Variants in RIMS2 observed in about 807,000 individuals in gnomAD.
The protein encoded by RIMS2 is regulating synaptic membrane exocytosis protein 2.
In RIMS2, 59 loss-of-function variants were observed where a neutral mutation model predicts 174.4. The ratio of observed to expected loss-of-function variants is 0.34; its 90% CI spans 0.27 to 0.42. The LOEUF (loss-of-function observed/expected upper bound fraction) is 0.42. Among genes scored for constraint, RIMS2 ranks in the 10% least tolerant of loss-of-function variants. The probability of loss-of-function intolerance (pLI) is 1.00; values close to 1 mark genes in which losing one functional copy is unlikely to be tolerated. For synonymous variants in RIMS2, 606 were observed against 572.5 expected (o/e 1.06, Z -0.84); for missense variants, 1,620 against 1,666.3 (o/e 0.97, Z 0.48).
intron 1 of RIMS2, among the ~76,000 whole-genome samples, chr8:103,580,721 C>T (rs1471699501): frequency 6.6e-6 from 1 of 151,982 alleles, no homozygotes; most frequent in Non-Finnish European, 1.5e-5. Flanking sequence ...AAAAGAAAAG[C>T]TGACAGCCTG....
chr8:104,181,822 T>A (rs1489987517), intron 19 of RIMS2, among the ~76,000 whole-genome samples: 1 of 151,618 alleles, frequency 6.6e-6, no homozygotes, highest in Non-Finnish European at 1.5e-5. Flanking sequence ...TACTTCGACA[T>A]TTATAACCAT....
chr8:103,601,072 T>C (rs2094712886), intron 1 of RIMS2, among the ~76,000 whole-genome samples: 1 of 152,230 alleles, frequency 6.6e-6, no homozygotes, highest in Non-Finnish European at 1.5e-5. Context: ...TCTTTTCCTA[T>C]AGCGTTGTTT....
chr8:103,713,681 A>G (rs1454735407), intron 2 of RIMS2, among the ~76,000 whole-genome samples: 6 of 152,080 alleles, frequency 3.9e-5, no homozygotes, highest in African/African-American at 1.4e-4. Context: ...ACATCCTTCA[A>G]ATACTGCTAT....
intron 1 of RIMS2, among the ~76,000 whole-genome samples, chr8:103,696,786 C>T (rs1480241574): frequency 7.0e-6 from 1 of 142,198 alleles, no homozygotes; most frequent in Admixed American, 7.4e-5. Flanking sequence ...TTGCTAGACC[C>T]TGGGAGGCAG....
chr8:104,179,382 A>T (rs2098926844), intron 19 of RIMS2, among the ~76,000 whole-genome samples: 1 of 152,036 alleles, frequency 6.6e-6, no homozygotes. Flanking sequence ...TATGCTTATT[A>T]TCTTATTAAG....
In RIMS2 at chr8:104,039,146, G is replaced by GA. The variant is rs1380110099; in HGVS notation, c.3334+24538dup. 2.6e-5 allele frequency among the ~76,000 whole-genome samples: 4 copies of GA among 151,564 alleles called. No individual in the cohort carries two copies. In the East Asian group the frequency reaches 5.8e-4, roughly 22 times the overall value. On this transcript the variant is annotated intron_variant, in intron 19 of 23. Coordinates refer to ENST00000504942, the Ensembl canonical transcript of RIMS2. ...TGACAGTTGTAGAATGTGCCACTTT[G>GA]AAAAAAACTGTTTCCAATTAAATAC...
At chr8:103,940,655 C>T (rs974481177) in intron 13 of RIMS2, among the ~76,000 whole-genome samples, 47 of 152,184 alleles carry the variant, frequency 3.1e-4, no homozygotes, top group Admixed American at 5.2e-4. Flanking sequence ...GGGGGCAGAT[C>T]ACCTGAGGTC....
chr8:103,581,432 TG>T (rs2093613584), intron 1 of RIMS2, among the ~76,000 whole-genome samples: 2 of 152,298 alleles, frequency 1.3e-5, no homozygotes, highest in Admixed American at 6.5e-5. Flanking sequence ...CATCCTTTTA[TG>T]CCAAAGACCC....
chr8:103,946,400 G>C (rs1312177652), intron 14 of RIMS2, among the ~76,000 whole-genome samples: 2 of 152,110 alleles, frequency 1.3e-5, no homozygotes, highest in South Asian at 4.1e-4. Flanking sequence ...GCTGAAGCAG[G>C]ATAATCGCTT....
At chr8:104,170,027 A>T (rs2098823061) in intron 19 of RIMS2, among the ~76,000 whole-genome samples, 1 of 151,986 alleles carries the variant, frequency 6.6e-6, no homozygotes, top group Admixed American at 6.6e-5. Context: ...ATCTGAGAAG[A>T]TACTTGATAT....
chr8:103,831,495 TG>T (rs1301196151), intron 3 of RIMS2, among the ~76,000 whole-genome samples: 2 of 152,204 alleles, frequency 1.3e-5, no homozygotes, highest in African/African-American at 4.8e-5. Flanking sequence ...TAGGCTTCAC[TG>T]AGCACTGACC....
intron 10 of RIMS2, among the ~76,000 whole-genome samples, chr8:103,925,051 C>A (rs1048089922): frequency 2.7e-4 from 41 of 151,592 alleles, no homozygotes; most frequent in African/African-American, 9.9e-4. Flanking sequence ...CTGTGGATTA[C>A]TTTTGTAGTT....
chr8:104,031,047 ATAATCT>A (rs2096381636), intron 19 of RIMS2, among the ~76,000 whole-genome samples: 1 of 152,152 alleles, frequency 6.6e-6, no homozygotes, highest in Non-Finnish European at 1.5e-5. Flanking sequence ...ATAATTGTAG[ATAATCT>A]TAGATGAGCC....
intron 19 of RIMS2, among the ~76,000 whole-genome samples, chr8:104,042,376 G>C (rs889445108): frequency 6.6e-6 from 1 of 151,552 alleles, no homozygotes; most frequent in African/African-American, 2.4e-5. Flanking sequence ...AACAGAATAG[G>C]TCAGATGTTT....
At chr8:104,162,577 G>C (rs1329192328) in intron 19 of RIMS2, among the ~76,000 whole-genome samples, 1 of 152,052 alleles carries the variant, frequency 6.6e-6, no homozygotes, top group Non-Finnish European at 1.5e-5. Flanking sequence ...TGCTAACAGT[G>C]TATTTTTATA....
intron 19 of RIMS2, among the ~76,000 whole-genome samples, chr8:104,213,791 C>A (rs192171878): frequency 8.2e-6 from 1 of 122,516 alleles, no homozygotes; most frequent in Non-Finnish European, 1.7e-5. Context: ...GCAGGGGAAT[C>A]GCTTGAACCC....
chr8:103,911,994 A>G, intron 5 of RIMS2, 59 bp from the exon 9 acceptor site: 1 of 1,346,456 alleles, frequency 7.4e-7, no homozygotes, highest in Admixed American at 2.0e-5. Context: ...TAAAACGATA[A>G]ATAAAATCAT....
intron 19 of RIMS2, among the ~76,000 whole-genome samples, chr8:104,105,874 T>TAAAAATAC (rs1375670311): frequency 6.6e-6 from 1 of 151,206 alleles, no homozygotes; most frequent in Non-Finnish European, 1.5e-5. Flanking sequence ...CCATCTCCAC[T>TAAAAATAC]AAAAATACAA....
intron 3 of RIMS2, among the ~76,000 whole-genome samples, chr8:103,881,655 T>C (rs1014721761): frequency 1.3e-5 from 2 of 151,560 alleles, no homozygotes; most frequent in African/African-American, 4.8e-5. Flanking sequence ...ATCAGATGTG[T>C]TATACAAGCT....
Sources: allele counts gnomAD v4.1 joint callset (sites outside exome capture counted in the v4.1 genomes callset), GRCh38; gene constraint gnomAD v4.1.1; transcripts MANE v1.5; gene names NCBI Gene and HGNC (gene_info 2026-07-23, HGNC 2026-07-21).